CRTAC1: variants seen among roughly 807,000 people sequenced by gnomAD.
The protein encoded by CRTAC1 is acidic secreted protein in cartilage.
In CRTAC1, 37 loss-of-function variants were observed where a neutral mutation model predicts 67.8. The observed-to-expected ratio is 0.55, with a 90% CI of 0.42 to 0.72. The LOEUF (loss-of-function observed/expected upper bound fraction) is 0.72. CRTAC1 is among the 30% of genes least tolerant of loss of function. The pLI is 0.00. For missense variants in CRTAC1, 780 were observed against 931.6 expected (o/e 0.84, Z 2.12); for synonymous variants, 348 against 371.0 (o/e 0.94, Z 0.71).
intron 3 of CRTAC1, among the ~76,000 whole-genome samples, chr10:97,935,566 G>C (rs939399966): frequency 2.0e-5 from 3 of 152,144 alleles, no homozygotes; most frequent in Non-Finnish European, 1.5e-5. Context: ...GCACACTTCA[G>C]TTCGGGAAGC....
chr10:97,878,634 T>C, intron 14 of CRTAC1: 3 of 1,304,126 alleles, frequency 2.3e-6, no homozygotes, highest in Non-Finnish European at 3.0e-6. Context: ...GTGTTCTGGC[T>C]ACAGGAGCAT....
chr10:97,895,750 C>T lies in CRTAC1; in HGVS notation c.1317+135G>A. The T allele has an allele frequency of 2.9e-6, 2 of 692,830 alleles. No homozygotes were observed. Among genetic ancestry groups the T allele is most frequent in the Non-Finnish European group, 4.7e-6 (2 of 421,110 alleles). The allele number at this position is 692,830 out of a possible 1,614,324, so 42.9% of individuals were successfully genotyped here. A position where few individuals can be genotyped will look rare whatever the true frequency, so the allele number is the denominator to read the frequency against. On this transcript the variant is annotated intron_variant, in intron 10 of 14. Coordinates refer to ENST00000370597, the MANE Select transcript of CRTAC1 (RefSeq NM_018058.7). The surrounding 1 kb of genome is among the most constrained non-coding windows in gnomAD (Gnocchi z 4.2). The stretch of plus-strand genomic sequence containing the variant: ...TTCCCGGTGCTGCTGGAATTTACTT[C>T]CCTCCTCCAGGGCCCGGGACTTCCA...
rs1206707865 is a variant in CRTAC1 at position 98,029,573 on chromosome 10, C to T, written c.24+876G>A. On this transcript the variant is annotated intron_variant, in intron 1 of 14. Transcript: ENST00000370597. The surrounding 1 kb of genome is among the most constrained non-coding windows in gnomAD (Gnocchi z 4.7). ...TAGTCATTCCTGGAGGAAGCCCCCC[C>T]AGCTCTCAACCCTAGGAGAATTTCC... 1.3e-5 allele frequency among the ~76,000 whole-genome samples: 2 copies of T among 151,848 alleles called. No individual in the cohort carries two copies. The highest frequency in any genetic ancestry group is 2.4e-5 in the African/African-American group (1 of 41,364).
At chr10:98,002,864 C>T (rs1257124705) in intron 2 of CRTAC1, among the ~76,000 whole-genome samples, 11 of 145,418 alleles carry the variant, frequency 7.6e-5, no homozygotes, top group South Asian at 2.2e-4. Flanking sequence ...CTGCAAGCTC[C>T]GCCTCCCGGG....
intron 2 of CRTAC1, among the ~76,000 whole-genome samples, chr10:98,003,944 G>C (rs1021037069): frequency 9.9e-5 from 15 of 152,228 alleles, no homozygotes; most frequent in African/African-American, 3.6e-4. Context: ...AGGAGGTACG[G>C]ATGCGGCAAT....
chr10:97,953,111 C>A (rs1456329516), intron 2 of CRTAC1, among the ~76,000 whole-genome samples: 2 of 152,090 alleles, frequency 1.3e-5, no homozygotes, highest in African/African-American at 2.4e-5. Flanking sequence ...AAGCCCTCCC[C>A]CTTCCTCCTT....
At chr10:97,967,476 C>T (rs1453021339) in intron 2 of CRTAC1, among the ~76,000 whole-genome samples, 1 of 152,150 alleles carries the variant, frequency 6.6e-6, no homozygotes, top group Non-Finnish European at 1.5e-5. Context: ...GATCTGGGGG[C>T]TAGGTGTGCT....
chr10:97,953,109 C>T (rs1178243075), intron 2 of CRTAC1, among the ~76,000 whole-genome samples: 1 of 152,028 alleles, frequency 6.6e-6, no homozygotes, highest in Non-Finnish European at 1.5e-5. Context: ...ATAAGCCCTC[C>T]CCCTTCCTCC....
chr10:97,919,039 C>T (rs2050800303), intron 4 of CRTAC1, among the ~76,000 whole-genome samples: 1 of 150,540 alleles, frequency 6.6e-6, no homozygotes, highest in South Asian at 2.1e-4. Context: ...CCACCCCCCC[C>T]CGCCTCAGCC....
At chr10:97,974,042 C>G (rs1169201218) in intron 2 of CRTAC1, among the ~76,000 whole-genome samples, 1 of 150,398 alleles carries the variant, frequency 6.6e-6, no homozygotes, top group Non-Finnish European at 1.5e-5. Context: ...ACCTCATCTA[C>G]TTTTGATTTT....
At chr10:97,967,776 A>T (rs2051642988) in intron 2 of CRTAC1, among the ~76,000 whole-genome samples, 2 of 152,196 alleles carry the variant, frequency 1.3e-5, no homozygotes, top group South Asian at 4.1e-4. Flanking sequence ...TGTATTAAGC[A>T]GATTGGGAAG....
chr10:97,941,965 C>A (rs1017573823), intron 2 of CRTAC1, among the ~76,000 whole-genome samples: 3 of 152,176 alleles, frequency 2.0e-5, no homozygotes, highest in African/African-American at 7.2e-5. Flanking sequence ...CTCCTTTCAG[C>A]TCCTTGAATT....
At chr10:97,944,124 A>C (rs563025604) in intron 2 of CRTAC1, among the ~76,000 whole-genome samples, 2 of 152,280 alleles carry the variant, frequency 1.3e-5, no homozygotes, top group East Asian at 3.9e-4. Context: ...GGGGAAAAAG[A>C]AACTGAGAAG....
chr10:97,920,259 T>C (rs1288446671), intron 4 of CRTAC1, among the ~76,000 whole-genome samples: 1 of 152,192 alleles, frequency 6.6e-6, no homozygotes, highest in East Asian at 1.9e-4. Flanking sequence ...AATTAGGATA[T>C]TTACAAAATT....
At chr10:97,991,099 C>CCAAAAAAAAAAA (rs1554932158) in intron 2 of CRTAC1, among the ~76,000 whole-genome samples, 5 of 17,974 alleles carry the variant, frequency 2.8e-4, no homozygotes, top group African/African-American at 9.4e-4. Context: ...ACCATCTCTA[C>CCAAAAAAAAAAA]AAAAAAAAAA....
chr10:97,884,109 G>A, intron 12 of CRTAC1, 97 bp downstream of exon 12: 4 of 1,399,380 alleles, frequency 2.9e-6, no homozygotes, highest in Non-Finnish European at 3.9e-6. Context: ...TCACTCTAGA[G>A]GCTGAGTTTG....
intron 2 of CRTAC1, among the ~76,000 whole-genome samples, chr10:97,959,453 T>G (rs1297892834): frequency 6.6e-6 from 1 of 152,194 alleles, no homozygotes; most frequent in Non-Finnish European, 1.5e-5. Context: ...ATTCATTCCT[T>G]GTCTATAAGG....
At chr10:97,944,333 G>A (rs779636624) in intron 2 of CRTAC1, among the ~76,000 whole-genome samples, 5 of 152,044 alleles carry the variant, frequency 3.3e-5, no homozygotes, top group African/African-American at 4.8e-5. Context: ...TTGGGAGGCT[G>A]AGGCAGAAGA....
rs951928630 is a variant in CRTAC1, at chr10:97,975,108, G to T, written c.224+36030C>A. The stretch of plus-strand genomic sequence containing the variant: ...GCCCGGGAGGAGCGGCGGAGGGGCC[G>T]GAGCCTACAGTTAAATCTGGCTAAA... On this transcript the variant is annotated intron_variant, in intron 2 of 14. Transcript: ENST00000370597. This position sits in a 1 kb window ranked among gnomAD's most constrained non-coding sequence, Gnocchi z 4.8. Among the ~76,000 whole-genome samples, 1 of 152,146 alleles carries T rather than the reference G, an allele frequency of 6.6e-6. No individual in the cohort carries two copies. Among genetic ancestry groups the T allele is most frequent in the Non-Finnish European group, 1.5e-5 (1 of 68,020 alleles).
Sources: gnomAD v4.1 joint callset for allele counts (sites outside exome capture counted in the v4.1 genomes callset) on GRCh38, gnomAD v4.1.1 for gene constraint, Gnocchi (gnomAD v3.1) non-coding constraint, MANE v1.5 for transcripts, NCBI Gene and HGNC (gene_info 2026-07-23, HGNC 2026-07-21) for gene names.